DKK2: variants seen among roughly 807,000 people sequenced by gnomAD.
DKK2 encodes the protein dickkopf Wnt signaling pathway inhibitor 2.
A neutral mutation model predicts 28.1 loss-of-function variants in DKK2; 11 were observed. The ratio of observed to expected loss-of-function variants is 0.39; its 90% CI spans 0.25 to 0.65. The LOEUF (loss-of-function observed/expected upper bound fraction) is 0.65, where lower values mean the gene tolerates loss of function less well. Ranked by LOEUF, DKK2 falls within the 30% of genes least tolerant of loss-of-function variation. The probability of loss-of-function intolerance (pLI) is 0.47; values close to 1 mark genes in which losing one functional copy is unlikely to be tolerated. For synonymous variants in DKK2, 135 were observed against 126.5 expected, an observed-to-expected ratio of 1.07 and a Z score of -0.45; for missense variants, 326 against 335.5, an observed-to-expected ratio of 0.97 and a Z score of 0.22.
At chr4:106,928,495 T>C (rs1306814180) in intron 1 of DKK2, among the ~76,000 whole-genome samples, 6 of 152,168 alleles carry the variant, frequency 3.9e-5, no homozygotes, top group African/African-American at 1.4e-4. Context: ...AAAAGTAAAG[T>C]TGTATTACAC....
intron 1 of DKK2, among the ~76,000 whole-genome samples, chr4:106,949,506 C>T (rs1235462566): frequency 6.6e-6 from 1 of 152,080 alleles, no homozygotes; most frequent in Non-Finnish European, 1.5e-5. Context: ...CAAATAAAAG[C>T]ATAAAGAATG....
intron 1 of DKK2, among the ~76,000 whole-genome samples, chr4:107,008,211 T>C (rs369876302): frequency 6.6e-6 from 1 of 152,168 alleles, no homozygotes; most frequent in Admixed American, 6.6e-5. Flanking sequence ...AATTCAATAT[T>C]CATTTATTCA....
At chr4:107,027,304 T>A (rs1723800481) in intron 1 of DKK2, among the ~76,000 whole-genome samples, 1 of 152,164 alleles carries the variant, frequency 6.6e-6, no homozygotes, top group Non-Finnish European at 1.5e-5. Context: ...TGGATGAAGA[T>A]TTTTTAGTCC....
intron 1 of DKK2, among the ~76,000 whole-genome samples, chr4:106,939,438 A>G (rs1172897292): frequency 6.6e-6 from 1 of 152,238 alleles, no homozygotes; most frequent in African/African-American, 2.4e-5. Context: ...ACTACAAATC[A>G]CTGCTCAAGG....
At chr4:106,984,044 T>G (rs1263756559) in intron 1 of DKK2, among the ~76,000 whole-genome samples, 1 of 152,192 alleles carries the variant, frequency 6.6e-6, no homozygotes, top group Non-Finnish European at 1.5e-5. Flanking sequence ...TCTGGCAGTT[T>G]GTCAATGTCT....
At chr4:106,929,081 C>T (rs1374778067) in intron 1 of DKK2, among the ~76,000 whole-genome samples, 2 of 152,116 alleles carry the variant, frequency 1.3e-5, no homozygotes, top group Non-Finnish European at 2.9e-5. Flanking sequence ...ACTTTGACCT[C>T]CAAAGGCCAT....
At chr4:107,031,585 A>G (rs1227315146) in intron 1 of DKK2, among the ~76,000 whole-genome samples, 1 of 152,020 alleles carries the variant, frequency 6.6e-6, no homozygotes, top group Non-Finnish European at 1.5e-5. Context: ...TTTGTGTTAA[A>G]CCATAGCTTC....
intron 1 of DKK2, among the ~76,000 whole-genome samples, chr4:106,994,221 C>T (rs1386594942): frequency 6.6e-6 from 1 of 152,192 alleles, no homozygotes; most frequent in African/African-American, 2.4e-5. Context: ...ACCAACCTGT[C>T]CAAGACCTCT....
intron 1 of DKK2, among the ~76,000 whole-genome samples, chr4:106,939,940 C>T (rs1435180687): frequency 1.3e-5 from 2 of 152,102 alleles, no homozygotes; most frequent in African/African-American, 4.8e-5. Flanking sequence ...CTTCCTTATA[C>T]CTTATACAAA....
intron 1 of DKK2, among the ~76,000 whole-genome samples, chr4:106,985,132 C>T (rs577944401): frequency 8.5e-4 from 129 of 151,280 alleles, no homozygotes; most frequent in Middle Eastern, 3.4e-3. Context: ...TGGTGTAAAC[C>T]CGGGAGGCAG....
At chr4:106,960,405 T>C (rs981753191) in intron 1 of DKK2, among the ~76,000 whole-genome samples, 4 of 152,000 alleles carry the variant, frequency 2.6e-5, no homozygotes, top group African/African-American at 9.7e-5. Context: ...GTAGAATGGA[T>C]ACTGGAGACT....
intron 1 of DKK2, among the ~76,000 whole-genome samples, chr4:106,995,304 C>T (rs1055947650): frequency 2.6e-5 from 4 of 152,042 alleles, no homozygotes; most frequent in Non-Finnish European, 4.4e-5. Flanking sequence ...TTTTCCTACA[C>T]GACTTTCTAT....
At chr4:106,939,014 G>A (rs1724646825) in intron 1 of DKK2, among the ~76,000 whole-genome samples, 1 of 151,936 alleles carries the variant, frequency 6.6e-6, no homozygotes, top group Non-Finnish European at 1.5e-5. Flanking sequence ...CATACTGAAT[G>A]GGCAAAAACT....
intron 1 of DKK2, among the ~76,000 whole-genome samples, chr4:106,937,382 A>C (rs1248658199): frequency 7.4e-6 from 1 of 134,304 alleles, no homozygotes; most frequent in Non-Finnish European, 1.6e-5. Context: ...GCCATTACAT[A>C]ATGGTAAAGG....
chr4:106,946,289 AT>A (rs1560577395), intron 1 of DKK2, among the ~76,000 whole-genome samples: 1 of 152,066 alleles, frequency 6.6e-6, no homozygotes, highest in Admixed American at 6.6e-5. Flanking sequence ...TATTGCAGCT[AT>A]TTTTTAAAAT....
chr4:106,991,524 A>T (rs1014561065), intron 1 of DKK2, among the ~76,000 whole-genome samples: 5 of 152,154 alleles, frequency 3.3e-5, no homozygotes, highest in African/African-American at 1.2e-4. Context: ...AACAAGTCCA[A>T]ATTCTTCACC....
chr4:106,958,051 G>T lies in DKK2; in HGVS notation c.223-32102C>A, dbSNP rs1722627241. ...AATAATTGAGAATTTATTTAGAATT[G>T]TCTGCATTTCAAAACTTTTTTTGCA... On this transcript the variant is annotated intron_variant, in intron 1 of 3. Coordinates refer to ENST00000285311, the MANE Select transcript of DKK2 (RefSeq NM_014421.3). Among the ~76,000 whole-genome samples, 3 of 150,434 alleles carry T rather than the reference G, an allele frequency of 2.0e-5. No individual in the cohort carries two copies. The South Asian group carries it at 6.3e-4, about 31-fold the overall frequency.
At chr4:106,981,514 T>A (rs895923042) in intron 1 of DKK2, among the ~76,000 whole-genome samples, 1 of 152,116 alleles carries the variant, frequency 6.6e-6, no homozygotes, top group African/African-American at 2.4e-5. Context: ...CATATGCTTG[T>A]TCCCTTCATA....
At position 106,934,686 on chromosome 4, in the gene DKK2, GC is replaced by G. The variant is rs1335472090; in HGVS notation, c.223-8738del. ...CTCTTTCATTTCCTCTAGGAATTAAGCCAGATCAATAGTCAAATTCTACTCT... is the reference window on the plus strand; with the variant it reads ...CTCTTTCATTTCCTCTAGGAATTAAGCAGATCAATAGTCAAATTCTACTCT... On this transcript the variant is annotated intron_variant, in intron 1 of 3. Coordinates refer to ENST00000285311, the MANE Select transcript of DKK2 (RefSeq NM_014421.3). Among the ~76,000 whole-genome samples the G allele has an allele frequency of 3.9e-5, 6 of 152,234 alleles. No individual in the cohort carries two copies. In the East Asian group the frequency reaches 1.2e-3, roughly 29 times the overall value.
Sources: allele counts gnomAD v4.1 joint callset (sites outside exome capture counted in the v4.1 genomes callset), GRCh38; gene constraint gnomAD v4.1.1; transcripts MANE v1.5; gene names NCBI Gene and HGNC (gene_info 2026-07-23, HGNC 2026-07-21).